Variants in SORL1 observed in about 807,000 individuals in gnomAD.
The protein encoded by SORL1 is sortilin-related receptor.
SORL1 carries 127 observed loss-of-function variants against 273.7 expected under a neutral mutation model. The ratio of observed to expected loss-of-function variants is 0.46; its 90% CI spans 0.40 to 0.54. The LOEUF is 0.54. Ranked by LOEUF, SORL1 falls within the 20% of genes least tolerant of loss-of-function variation. SORL1 has a pLI of 0.00. For missense variants in SORL1, 2,494 were observed against 2,846.1 expected, an observed-to-expected ratio of 0.88 and a Z score of 2.81; for synonymous variants, 1,031 against 1,067.4, an observed-to-expected ratio of 0.97 and a Z score of 0.66.
At position 121,532,527 on chromosome 11, in the gene SORL1, C is replaced by T; in HGVS notation, c.1660C>T (p.Gln554Ter). 1 of 1,614,104 alleles carries T rather than the reference C, an allele frequency of 6.2e-7. No homozygotes were observed. The change falls in exon 12 of 48, where the codon CAG (glutamine) becomes TAG (stop). Residue 554 changes from glutamine (Q) to a stop codon, truncating the protein, a stop_gained. Transcript: ENST00000260197. LOFTEE classifies it high-confidence loss of function. ...CGGCGGAATCATCACGGCCATTGCC[C>T]AGGGCATGGAAACCAACGAGCTAAA... is the stretch of plus-strand genomic sequence containing the variant. Reference protein sequence around the residue: ...DHGGIITAIAQGMETNELKYS... With the variant: ...DHGGIITAIA
rs1863718643 is a variant in SORL1, at chr11:121,621,172, G to A, written c.5998G>A (p.Gly2000Arg). The A allele has an allele frequency of 1.9e-6, 3 of 1,614,090 alleles. No homozygotes were observed. The highest frequency in any genetic ancestry group is 2.2e-5 in the East Asian group (1 of 44,874). Residue 2000 changes from glycine to arginine, a missense_variant, in exon 44 of 48, where the codon GGG (glycine) becomes AGG (arginine). This residue lies in a region of SORL1 where 1,609 missense variants were observed against 1,816.4 expected (regional missense o/e 0.89). Coordinates refer to ENST00000260197, the MANE Select transcript of SORL1 (RefSeq NM_003105.6). ...EYTLNKLEPG[G>R]KYHIIVQLGN... ...CACCCTTAACAAGTTGGAGCCTGGC[G>A]GGAAATACCACATCATTGTCCAACT...
chr11:121,569,685 C>T (rs1177299286), intron 22 of SORL1, among the ~76,000 whole-genome samples: 2 of 152,188 alleles, frequency 1.3e-5, no homozygotes, highest in African/African-American at 2.4e-5. Context: ...AGTGACAATG[C>T]GTGCCCAAAA....
At chr11:121,574,159 A>C in intron 23 of SORL1, 82 bp from the exon 24 acceptor site, 3 of 1,369,534 alleles carry the variant, frequency 2.2e-6, no homozygotes, top group Non-Finnish European at 3.1e-6. Context: ...TCTATTTTTT[A>C]ATTGGTTTTC....
intron 12 of SORL1, among the ~76,000 whole-genome samples, chr11:121,538,573 G>A (rs1173364216): frequency 2.0e-5 from 3 of 152,090 alleles, no homozygotes; most frequent in Non-Finnish European, 4.4e-5. Context: ...CAATCAACAG[G>A]ACGGATGTTC....
At chr11:121,477,467 T>C (rs1470334418) in intron 2 of SORL1, among the ~76,000 whole-genome samples, 1 of 152,238 alleles carries the variant, frequency 6.6e-6, no homozygotes, top group African/African-American at 2.4e-5. Context: ...ATGTAATTTG[T>C]TAAACACTGA....
chr11:121,491,027 C>T (rs889266007), intron 5 of SORL1, among the ~76,000 whole-genome samples: 2 of 151,668 alleles, frequency 1.3e-5, no homozygotes, highest in African/African-American at 4.8e-5. Flanking sequence ...AGGATGTGCA[C>T]AACAGGTAGG....
At chr11:121,580,753 T>C (rs1211382760) in intron 25 of SORL1, among the ~76,000 whole-genome samples, 3 of 151,996 alleles carry the variant, frequency 2.0e-5, no homozygotes, top group Admixed American at 2.0e-4. Flanking sequence ...TACAGACATG[T>C]GCCATCATGC....
At chr11:121,580,639 T>A (rs1291559815) in intron 25 of SORL1, among the ~76,000 whole-genome samples, 1 of 149,626 alleles carries the variant, frequency 6.7e-6, no homozygotes, top group Non-Finnish European at 1.5e-5. Flanking sequence ...GGGTTTTGTC[T>A]TGTCTCCCAG....
At chr11:121,520,958 AT>A in intron 9 of SORL1, 109 bp downstream of exon 9, 1 of 668,656 alleles carries the variant, frequency 1.5e-6, no homozygotes, top group South Asian at 3.2e-5. Flanking sequence ...ATCACATGGT[AT>A]TCTATTAATA....
At chr11:121,608,548 C>T (rs1565353122) in intron 38 of SORL1, 2 of 223,788 alleles carry the variant, frequency 8.9e-6, no homozygotes, top group Non-Finnish European at 1.8e-5. Context: ...AAAGAAAGCA[C>T]CATGCTGACT....
At chr11:121,565,953 C>T (rs1862748207) in intron 21 of SORL1, among the ~76,000 whole-genome samples, 1 of 152,194 alleles carries the variant, frequency 6.6e-6, no homozygotes, top group Admixed American at 6.5e-5. Flanking sequence ...GAACACATTG[C>T]ACAGCAGTGG....
intron 45 of SORL1, among the ~76,000 whole-genome samples, chr11:121,623,956 A>T (rs1440730462): frequency 6.6e-6 from 1 of 152,254 alleles, no homozygotes; most frequent in East Asian, 1.9e-4. Flanking sequence ...AGGCCTCTCC[A>T]TCATGGTGGA....
chr11:121,622,687 C>T (rs925551559), intron 45 of SORL1, among the ~76,000 whole-genome samples: 3 of 152,214 alleles, frequency 2.0e-5, no homozygotes, highest in African/African-American at 7.2e-5. Context: ...TCTCAGCACT[C>T]TCTTCCCAGA....
intron 23 of SORL1, among the ~76,000 whole-genome samples, chr11:121,572,019 A>G (rs1435200258): frequency 2.0e-5 from 3 of 152,244 alleles, no homozygotes; most frequent in Non-Finnish European, 4.4e-5. Flanking sequence ...AGTTTATTAC[A>G]TATCTGGGTG....
chr11:121,489,872 C>T (rs536227070), intron 4 of SORL1, among the ~76,000 whole-genome samples, 171 bp from the exon 5 acceptor site: 1 of 152,338 alleles, frequency 6.6e-6, no homozygotes, highest in East Asian at 1.9e-4. Context: ...GTTGTCTTTC[C>T]TTTCTTGCCC....
chr11:121,614,703 G>T, intron 40 of SORL1, 168 bp from the exon 41 acceptor site: 1 of 617,864 alleles, frequency 1.6e-6, no homozygotes, highest in Non-Finnish European at 2.8e-6. Context: ...GTCATCATCA[G>T]TACATAAACG....
intron 3 of SORL1, among the ~76,000 whole-genome samples, chr11:121,478,843 G>A (rs572978159): frequency 6.6e-6 from 1 of 150,708 alleles, no homozygotes; most frequent in Admixed American, 6.6e-5. Context: ...TGTGCGTATG[G>A]GTACCTGCGT....
At chr11:121,620,621 C>A (rs961846182) in intron 43 of SORL1, among the ~76,000 whole-genome samples, 2 of 152,120 alleles carry the variant, frequency 1.3e-5, no homozygotes, top group African/African-American at 2.4e-5. Flanking sequence ...CCCTTGCCCC[C>A]CTATACCCAG....
chr11:121,467,127 T>A (rs2134777949), intron 1 of SORL1, among the ~76,000 whole-genome samples: 1 of 151,300 alleles, frequency 6.6e-6, no homozygotes, highest in South Asian at 2.1e-4. Flanking sequence ...CCTCCCGGGT[T>A]CACGCCATTC....
Sources: allele counts gnomAD v4.1 joint callset (sites outside exome capture counted in the v4.1 genomes callset), GRCh38; gene constraint gnomAD v4.1.1; regional missense constraint gnomAD v4.1.1; transcripts MANE v1.5; gene names NCBI Gene and HGNC (gene_info 2026-07-23, HGNC 2026-07-21).